Variants in PTPRB observed in about 807,000 individuals in gnomAD.
PTPRB encodes the protein protein tyrosine phosphatase receptor type B, also known as receptor-type tyrosine-protein phosphatase beta.
A neutral mutation model predicts 238.1 loss-of-function variants in PTPRB; 97 were observed. The ratio of observed to expected loss-of-function variants is 0.41; its 90% confidence interval spans 0.35 to 0.48. The LOEUF (loss-of-function observed/expected upper bound fraction) is 0.48. PTPRB is among the 20% of genes least tolerant of loss of function. The pLI, the probability that PTPRB is intolerant of heterozygous loss-of-function variation, is 0.30. For missense variants in PTPRB, 2,292 were observed against 2,681.9 expected (o/e 0.85, Z 3.21); for synonymous variants, 970 against 995.4 (o/e 0.97, Z 0.48).
At chr12:70,544,849 C>G (rs1482912617) in intron 21 of PTPRB, among the ~76,000 whole-genome samples, 186 bp from the exon 22 acceptor site, 1 of 152,084 alleles carries the variant, frequency 6.6e-6, no homozygotes, top group Non-Finnish European at 1.5e-5. Context: ...ATTTATTGAG[C>G]CCCTGCCACA....
chr12:70,544,504 C>T, intron 22 of PTPRB, 53 bp downstream of exon 22: 2 of 1,236,196 alleles, frequency 1.6e-6, no homozygotes, highest in South Asian at 1.2e-5. Flanking sequence ...CCATTAGAGG[C>T]TCTTGTAGGT....
At chr12:70,538,695 G>A (rs576315603) in intron 27 of PTPRB, 1 of 554,616 alleles carries the variant, frequency 1.8e-6, no homozygotes, top group Middle Eastern at 4.8e-4. Flanking sequence ...CATCACATGG[G>A]GAAATGTCAA....
intron 2 of PTPRB, 149 bp from the exon 3 acceptor site, chr12:70,622,795 G>A: frequency 1.1e-6 from 1 of 943,550 alleles, no homozygotes; most frequent in Non-Finnish European, 1.5e-6. Flanking sequence ...TATACTTTGA[G>A]TGTGTGACAA....
At chr12:70,539,244 G>T (rs1469738981) in intron 26 of PTPRB, 2 of 565,024 alleles carry the variant, frequency 3.5e-6, no homozygotes, top group Non-Finnish European at 6.3e-6. Context: ...TGTGCCCCAG[G>T]TCACCCAAGT....
Position 70,519,625 on chromosome 12 carries a change from T to C in PTPRB, c.*1864A>G, listed in dbSNP as rs1299104532. 6.6e-6 allele frequency: 1 copy of C among 152,238 alleles called. No individual in the cohort carries two copies. The allele number at this position is 152,238 out of a possible 1,614,324, so 9.4% of individuals were successfully genotyped here. A position where few individuals can be genotyped will look rare whatever the true frequency, so the allele number is the denominator to read the frequency against. On this transcript the variant is annotated 3_prime_UTR_variant, in exon 34 of 34. Transcript: ENST00000334414. Reference sequence around the variant, plus strand: ...AGTGTAAAATTCTGCTTTTTCTCTTTTTTCTTTTCAATGTAGGAAAGGTGA... The same window carrying C: ...AGTGTAAAATTCTGCTTTTTCTCTTCTTTCTTTTCAATGTAGGAAAGGTGA...
rs951710354 is a variant in PTPRB, at chr12:70,586,047, T to C, written c.2311+960A>G. Reference sequence around the variant, plus strand: ...CACATTTTCCTAATCCAGTCTATCATTGATGGACATTCGGGTTGGTTCCAA... The same window carrying C: ...CACATTTTCCTAATCCAGTCTATCACTGATGGACATTCGGGTTGGTTCCAA... On this transcript the variant is annotated intron_variant, in intron 9 of 33. Transcript: ENST00000334414. 5.9e-5 allele frequency among the ~76,000 whole-genome samples: 9 copies of C among 152,230 alleles called. No individual in the cohort carries two copies. In the East Asian group the frequency reaches 7.7e-4, roughly 13 times the overall value.
intron 15 of PTPRB, among the ~76,000 whole-genome samples, chr12:70,563,751 G>T (rs1012362283): frequency 2.0e-5 from 3 of 152,054 alleles, no homozygotes; most frequent in African/African-American, 7.2e-5. Flanking sequence ...AGTTTTGCTT[G>T]ACCCTCTCTC....
At chr12:70,592,567 G>A (rs1313200750) in intron 6 of PTPRB, 22 bp from the exon 7 acceptor site, 1 of 1,604,752 alleles carries the variant, frequency 6.2e-7, no homozygotes, top group African/African-American at 1.3e-5. Flanking sequence ...AGAACAGAAA[G>A]GAGACTTTTA....
intron 9 of PTPRB, among the ~76,000 whole-genome samples, chr12:70,583,081 A>G (rs1041084002): frequency 1.3e-5 from 2 of 152,158 alleles, no homozygotes; most frequent in Admixed American, 6.5e-5. Flanking sequence ...GAGAACACGG[A>G]GGAAGTGGAA....
chr12:70,616,104 AT>A (rs1289160970), intron 3 of PTPRB, among the ~76,000 whole-genome samples: 1 of 151,856 alleles, frequency 6.6e-6, no homozygotes, highest in African/African-American at 2.4e-5. Context: ...TTCTTTTTAA[AT>A]TTTTTAAATT....
chr12:70,596,266 A>C lies in PTPRB; in HGVS notation c.1041T>G (p.His347Gln). 1 of 1,612,812 alleles carries C rather than the reference A, an allele frequency of 6.2e-7. No individual in the cohort carries two copies. Among genetic ancestry groups the C allele is most frequent in the Admixed American group, 1.7e-5 (1 of 59,866 alleles). ...TTCCGGAAGAAGGAGTCCACCAAAC[A>C]TGCAAGCTGGTTGAAGTCGTCTTCT... ...SKEKTTSTSL[H>Q]VWWTPSSGKV... The change falls in exon 5 of 34, where the codon CAT (histidine) becomes CAG (glutamine). Residue 347 changes from histidine to glutamine, a missense_variant. By Grantham distance (24) the His-to-Gln change is conservative. Transcript: ENST00000334414.
chr12:70,629,368 G>C (rs769326168), intron 2 of PTPRB, among the ~76,000 whole-genome samples: 7 of 152,046 alleles, frequency 4.6e-5, no homozygotes, highest in Non-Finnish European at 7.4e-5. Context: ...ACAAAATGAA[G>C]GCAGAAATAA....
At chr12:70,633,522 T>C (rs1438482893) in intron 2 of PTPRB, among the ~76,000 whole-genome samples, 2 of 151,874 alleles carry the variant, frequency 1.3e-5, no homozygotes, top group Non-Finnish European at 2.9e-5. Flanking sequence ...GAAAAATATA[T>C]CTGTTAGCTT....
intron 9 of PTPRB, among the ~76,000 whole-genome samples, chr12:70,585,521 A>G (rs1020760169): frequency 3.3e-5 from 5 of 152,058 alleles, no homozygotes; most frequent in Admixed American, 2.6e-4. Flanking sequence ...GTGATTTCTC[A>G]CAAGATCTGA....
intron 2 of PTPRB, among the ~76,000 whole-genome samples, chr12:70,625,785 G>A (rs892817474): frequency 3.3e-5 from 5 of 152,112 alleles, no homozygotes; most frequent in Non-Finnish European, 7.4e-5. Flanking sequence ...TTGTGTCATT[G>A]TTACTACATT....
chr12:70,610,715 T>G (rs919606688), intron 3 of PTPRB, among the ~76,000 whole-genome samples: 1 of 152,278 alleles, frequency 6.6e-6, no homozygotes, highest in East Asian at 1.9e-4. Flanking sequence ...CTAAATCTTA[T>G]GTAAATAGCG....
In PTPRB at chr12:70,587,233, A is replaced by C; in HGVS notation, c.2085T>G (p.His695Gln). 6.2e-7 allele frequency: 1 copy of C among 1,613,896 alleles called. No individual in the cohort carries two copies. Among genetic ancestry groups the C allele is most frequent in the Non-Finnish European group, 8.5e-7 (1 of 1,179,830 alleles). ...PLAVLQLRVK[H>Q]ANETSLSIMW... ...TGATACTCAGTGAGGTTTCATTGGC[A>C]TGTTTGACACGAAGCTGGAGGACAG... Residue 695 changes from histidine (H) to glutamine (Q), a missense_variant, in exon 9 of 34, where the codon CAT becomes CAG. Around this residue, in one of 4 missense-constraint regions of PTPRB, gnomAD observed 1,205 missense variants for 1,287.8 expected, o/e 0.94. Coordinates refer to ENST00000334414, the MANE Select transcript of PTPRB (RefSeq NM_001109754.4).
intron 2 of PTPRB, among the ~76,000 whole-genome samples, chr12:70,630,103 G>T (rs569310746): frequency 6.6e-6 from 1 of 152,236 alleles, no homozygotes; most frequent in East Asian, 1.9e-4. Context: ...AAGCCTGGCA[G>T]AGACACAACA....
At chr12:70,603,607 T>C (rs1883703619) in intron 4 of PTPRB, among the ~76,000 whole-genome samples, 2 of 152,168 alleles carry the variant, frequency 1.3e-5, no homozygotes, top group African/African-American at 4.8e-5. Context: ...ACATTGTCAG[T>C]TAATTCTTAT....
Sources: allele counts gnomAD v4.1 joint callset (sites outside exome capture counted in the v4.1 genomes callset), GRCh38; gene constraint gnomAD v4.1.1; regional missense constraint gnomAD v4.1.1; transcripts MANE v1.5; gene names NCBI Gene and HGNC (gene_info 2026-07-23, HGNC 2026-07-21).